Variants in MBD5 observed in about 807,000 individuals in gnomAD.
MBD5 encodes methyl-CpG binding domain protein 5.
A neutral mutation model predicts 117.3 loss-of-function variants in MBD5; 13 were observed. That is an observed-to-expected ratio of 0.11 (90% CI 0.07 to 0.18). The LOEUF (loss-of-function observed/expected upper bound fraction) is 0.18, where lower values mean the gene tolerates loss of function less well. Ranked by LOEUF, MBD5 falls within the 10% of genes least tolerant of loss-of-function variation. The probability of loss-of-function intolerance (pLI) is 1.00; values close to 1 mark genes in which losing one functional copy is unlikely to be tolerated. For missense variants in MBD5, 1,879 were observed against 2,093.8 expected, an observed-to-expected ratio of 0.90 and a Z score of 2.00; for synonymous variants, 727 against 766.4, an observed-to-expected ratio of 0.95 and a Z score of 0.85.
intron 4 of MBD5, among the ~76,000 whole-genome samples, chr2:148,439,717 C>T (rs1355352001): frequency 6.7e-6 from 1 of 150,084 alleles, no homozygotes; most frequent in Non-Finnish European, 1.5e-5. Context: ...TTGCAATTGT[C>T]ACCTATGTTC....
At position 148,483,964 on chromosome 2, in the gene MBD5, G is replaced by A. The variant is rs1359745591; in HGVS notation, c.3373G>A (p.Ala1125Thr). Reference protein sequence around the residue: ...ATTTTTTTSSAVAALTVSTLG... With the variant: ...ATTTTTTTSSTVAALTVSTLG... Reference sequence around the variant, plus strand: ...CACTACCACAACCACTACATCATCAGCAGTGGCAGCACTGACTGTCTCAAC... The same window carrying A: ...CACTACCACAACCACTACATCATCAACAGTGGCAGCACTGACTGTCTCAAC... Residue 1125 changes from alanine to threonine, a missense_variant, in exon 9 of 14, where the codon GCA (alanine) becomes ACA (threonine). Ala to Thr is a moderately conservative substitution (Grantham distance 58). Transcript: ENST00000642680. 1.3e-6 allele frequency: 2 copies of A among 1,550,344 alleles called. No individual in the cohort carries two copies. The highest frequency in any genetic ancestry group is 1.7e-6 in the Non-Finnish European group (2 of 1,146,948).
intron 9 of MBD5, 92 bp from the exon 10 acceptor site, chr2:148,485,650 A>G (rs888209839): frequency 1.1e-6 from 1 of 939,026 alleles, no homozygotes; most frequent in South Asian, 1.4e-5. Context: ...CATAGCACTT[A>G]GTTTCTGTTT....
chr2:148,438,143 A>G (rs1706209561), intron 4 of MBD5, among the ~76,000 whole-genome samples: 1 of 152,214 alleles, frequency 6.6e-6, no homozygotes, highest in Non-Finnish European at 1.5e-5. Context: ...CCAGTATTGG[A>G]AATGATGCAA....
rs886962779 is a variant in MBD5 at position 148,416,280 on chromosome 2, A to G, written c.-556-41923A>G. 5.3e-5 allele frequency among the ~76,000 whole-genome samples: 8 copies of G among 152,200 alleles called. No individual in the cohort carries two copies. In the East Asian group the frequency reaches 7.7e-4, roughly 15 times the overall value. ...CATGCTGTAACTTTAAGGGGCTGGTACTGGGCCCCCAGCTTTGTTCTCTGG... is the reference window on the plus strand; with the variant it reads ...CATGCTGTAACTTTAAGGGGCTGGTGCTGGGCCCCCAGCTTTGTTCTCTGG... On this transcript the variant is annotated intron_variant, in intron 4 of 13. Coordinates refer to ENST00000642680, the MANE Select transcript of MBD5 (RefSeq NM_001378120.1).
At chr2:148,460,000 GCACA>G (rs1201527108) in intron 5 of MBD5, among the ~76,000 whole-genome samples, 7 of 152,148 alleles carry the variant, frequency 4.6e-5, no homozygotes, top group Non-Finnish European at 1.0e-4. Context: ...AGATGAACAA[GCACA>G]CATGAGATAA....
intron 1 of MBD5, chr2:148,055,731 C>T (rs1389167434): frequency 6.6e-6 from 1 of 152,106 alleles, no homozygotes; most frequent in Non-Finnish European, 1.5e-5. Flanking sequence ...CGCGCTTGGC[C>T]GTTTATTGAA....
At chr2:148,327,123 T>A (rs1189961449) in intron 3 of MBD5, among the ~76,000 whole-genome samples, 1 of 152,126 alleles carries the variant, frequency 6.6e-6, no homozygotes, top group African/African-American at 2.4e-5. Flanking sequence ...TATGAAATTC[T>A]GGGTTGAAAA....
At chr2:148,238,157 A>G (rs183788824) in intron 3 of MBD5, among the ~76,000 whole-genome samples, 1 of 152,230 alleles carries the variant, frequency 6.6e-6, no homozygotes, top group African/African-American at 2.4e-5. Flanking sequence ...CTTGTTTTAC[A>G]TCATTGTTTC....
chr2:148,371,686 G>A (rs1343543649), intron 4 of MBD5, among the ~76,000 whole-genome samples: 1 of 152,060 alleles, frequency 6.6e-6, no homozygotes, highest in African/African-American at 2.4e-5. Context: ...ATTACATCAG[G>A]CAGTTTTCAT....
intron 4 of MBD5, among the ~76,000 whole-genome samples, chr2:148,392,566 G>A (rs1365957474): frequency 6.6e-6 from 1 of 152,108 alleles, no homozygotes; most frequent in Non-Finnish European, 1.5e-5. Flanking sequence ...TTGTTCCCTG[G>A]CTTTTTTGGT....
At chr2:148,150,215 T>C (rs1697610020) in intron 1 of MBD5, among the ~76,000 whole-genome samples, 1 of 148,142 alleles carries the variant, frequency 6.8e-6, no homozygotes, top group Non-Finnish European at 1.5e-5. Context: ...CCCCATTGCT[T>C]GTTTTTCTCA....
At chr2:148,236,682 G>T (rs1700098203) in intron 3 of MBD5, among the ~76,000 whole-genome samples, 1 of 152,024 alleles carries the variant, frequency 6.6e-6, no homozygotes, top group Admixed American at 6.6e-5. Context: ...AAGGGCCCTG[G>T]GATTATTTGA....
intron 1 of MBD5, among the ~76,000 whole-genome samples, chr2:148,040,040 C>T (rs1026629761): frequency 5.3e-5 from 8 of 151,804 alleles, no homozygotes; most frequent in African/African-American, 1.2e-4. Flanking sequence ...AAATTAAGGG[C>T]GGGAGGAGGG....
intron 3 of MBD5, among the ~76,000 whole-genome samples, chr2:148,307,547 A>T (rs147473593): frequency 0.014 from 2,057 of 152,274 alleles, 14 homozygotes; most frequent in East Asian, 0.035. Context: ...ACTGTTTCTT[A>T]CTAAAAACAC....
intron 3 of MBD5, among the ~76,000 whole-genome samples, chr2:148,323,767 A>G (rs11683324): frequency 0.27 from 41,641 of 151,892 alleles, 5,934 homozygotes; most frequent in African/African-American, 0.31. Flanking sequence ...AGTAGGTTGC[A>G]AAAATTTTCT....
rs1274980228 is a variant in MBD5 at position 148,382,546 on chromosome 2, C to T, written c.-557+40210C>T. Among the ~76,000 whole-genome samples, 8 of 152,132 alleles carry T rather than the reference C, an allele frequency of 5.3e-5. No homozygotes were observed. In the East Asian group the frequency reaches 9.7e-4, roughly 18 times the overall value. The stretch of plus-strand genomic sequence containing the variant: ...CCACTGTCAACATTAGACAGATCAA[C>T]GAGACAGAAAATTAACAAGGATATC... On this transcript the variant is annotated intron_variant, in intron 4 of 13. Coordinates refer to ENST00000642680, the MANE Select transcript of MBD5 (RefSeq NM_001378120.1).
intron 2 of MBD5, among the ~76,000 whole-genome samples, chr2:148,221,614 A>G (rs942358555): frequency 6.6e-6 from 1 of 151,990 alleles, no homozygotes; most frequent in African/African-American, 2.4e-5. Context: ...TCAGATTATC[A>G]GATTTTTTCC....
chr2:148,106,311 TAAATG>T (rs1278698793), intron 1 of MBD5, among the ~76,000 whole-genome samples: 1 of 151,982 alleles, frequency 6.6e-6, no homozygotes, highest in Non-Finnish European at 1.5e-5. Flanking sequence ...TACAAGTAAA[TAAATG>T]AAATCTTTTA....
At chr2:148,147,671 G>A (rs1301775892) in intron 1 of MBD5, among the ~76,000 whole-genome samples, 1 of 152,082 alleles carries the variant, frequency 6.6e-6, no homozygotes, top group African/African-American at 2.4e-5. Flanking sequence ...CTTAAAACCT[G>A]TATTCTTTGT....
Sources: allele counts gnomAD v4.1 joint callset (sites outside exome capture counted in the v4.1 genomes callset), GRCh38; gene constraint gnomAD v4.1.1; transcripts MANE v1.5; gene names NCBI Gene and HGNC (gene_info 2026-07-23, HGNC 2026-07-21).